The following LYRM4 variants were observed in gnomAD, a reference collection of about 807,000 sequenced individuals.
LYRM4 encodes LYR motif-containing protein 4.
In LYRM4, 9 loss-of-function variants were observed where a neutral mutation model predicts 11.7. That is an observed-to-expected ratio of 0.77 (90% confidence interval 0.46 to 1.34). LYRM4 has a LOEUF of 1.34. Ranked by LOEUF, LYRM4 falls within the 40% of genes most tolerant of loss-of-function variation. The pLI, the probability that LYRM4 is intolerant of heterozygous loss-of-function variation, is 0.00. For synonymous variants in LYRM4, 42 were observed against 40.4 expected (o/e 1.04, Z -0.15); for missense variants, 133 against 112.5 (o/e 1.18, Z -0.82).
At chr6:5,221,177 C>T (rs1209049806) in intron 1 of LYRM4, among the ~76,000 whole-genome samples, 1 of 152,300 alleles carries the variant, frequency 6.6e-6, no homozygotes, top group South Asian at 2.1e-4. Flanking sequence ...TCTGCTGCCC[C>T]TTACATGCTG....
the LYRM4 span, among the ~76,000 whole-genome samples, chr6:5,095,481 GC>G: frequency 6.6e-6 from 1 of 152,178 alleles, no homozygotes. Context: ...ACAGCTTATT[GC>G]CTTATTTAAA....
chr6:5,169,680 T>C (rs1225358514), intron 2 of LYRM4, among the ~76,000 whole-genome samples: 1 of 152,230 alleles, frequency 6.6e-6, no homozygotes, highest in East Asian at 1.9e-4. Flanking sequence ...ACTTTGAAAG[T>C]GATTCTTGTC....
chr6:5,187,340 CAT>C (rs1226432376), intron 2 of LYRM4, among the ~76,000 whole-genome samples: 2 of 152,228 alleles, frequency 1.3e-5, no homozygotes, highest in Non-Finnish European at 2.9e-5. Context: ...CAAAGACACA[CAT>C]ATCAGCTTGT....
chr6:5,178,804 CAAAAAAAAAAAAAAAAAAAA>C (rs56880549), intron 2 of LYRM4, among the ~76,000 whole-genome samples: 7 of 30,026 alleles, frequency 2.3e-4, no homozygotes, highest in African/African-American at 6.9e-4. Flanking sequence ...GACTCTGTCT[CAAAAAAAAAAAAAAAAAAAA>C]AAAAAAAAAG....
At chr6:5,159,623 A>G (rs1758631995) in intron 2 of LYRM4, among the ~76,000 whole-genome samples, 2 of 152,208 alleles carry the variant, frequency 1.3e-5, no homozygotes, top group African/African-American at 2.4e-5. Flanking sequence ...CCTGTCCTCT[A>G]GCCTCCCACT....
chr6:5,076,960 G>C, the LYRM4 span, among the ~76,000 whole-genome samples: 1 of 152,204 alleles, frequency 6.6e-6, no homozygotes, highest in Non-Finnish European at 1.5e-5. Flanking sequence ...GAACAAGAGA[G>C]GCCATATCTT....
intron 2 of LYRM4, among the ~76,000 whole-genome samples, chr6:5,196,918 T>C (rs1761086665): frequency 6.6e-6 from 1 of 152,242 alleles, no homozygotes; most frequent in Admixed American, 6.5e-5. Context: ...AGTTCCACTG[T>C]GACAACTCGG....
At chr6:5,171,763 C>A (rs1759442004) in intron 2 of LYRM4, among the ~76,000 whole-genome samples, 2 of 152,174 alleles carry the variant, frequency 1.3e-5, no homozygotes, top group African/African-American at 2.4e-5. Context: ...GGCTTTTACA[C>A]CACTGTCATT....
the LYRM4 span, among the ~76,000 whole-genome samples, chr6:5,049,814 C>T: frequency 1.3e-5 from 2 of 152,248 alleles, no homozygotes; most frequent in South Asian, 2.1e-4. Context: ...GGATTATAGG[C>T]GTGCACCACC....
At chr6:5,149,307 G>A (rs1581382866) in intron 2 of LYRM4, among the ~76,000 whole-genome samples, 1 of 152,326 alleles carries the variant, frequency 6.6e-6, no homozygotes, top group African/African-American at 2.4e-5. Flanking sequence ...CACAGGAGAG[G>A]CCCTTCAACC....
chr6:5,111,662 G>T (rs909801097), intron 2 of LYRM4, among the ~76,000 whole-genome samples: 2 of 152,182 alleles, frequency 1.3e-5, no homozygotes, highest in Non-Finnish European at 2.9e-5. Context: ...TGACAGCCGC[G>T]TGGTCTCTGA....
At chr6:5,260,495 G>A (rs1397191020) in intron 1 of LYRM4, among the ~76,000 whole-genome samples, 153 bp downstream of exon 1, 1 of 152,266 alleles carries the variant, frequency 6.6e-6, no homozygotes, top group East Asian at 1.9e-4. Flanking sequence ...GTAGGCAGGA[G>A]CACGCTTTTC....
In LYRM4 at chr6:5,241,840, G is replaced by A. The variant is rs572257509; in HGVS notation, c.86+18808C>T. Among the ~76,000 whole-genome samples, 17 of 144,840 alleles carry A rather than the reference G, an allele frequency of 1.2e-4. 1 individual carries two copies. The South Asian group carries it at 3.4e-3, about 29-fold the overall frequency. ...TAGAGACAGGAAAACAGGCCGTGGA[G>A]ATAACTGGAAGTAAAATGGTGATAC... is the stretch of plus-strand genomic sequence containing the variant. On this transcript the variant is annotated intron_variant, in intron 1 of 2. Coordinates refer to ENST00000330636, the MANE Select transcript of LYRM4 (RefSeq NM_020408.6).
intron 2 of LYRM4, among the ~76,000 whole-genome samples, chr6:5,162,498 C>CGAGAGAGAGAGAGAGA (rs368959129): frequency 1.3e-5 from 2 of 148,494 alleles, no homozygotes; most frequent in Non-Finnish European, 1.5e-5. Context: ...AGAGAGCGAG[C>CGAGAGAGAGAGAGAGA]GAGAGAGAGA....
the LYRM4 span, among the ~76,000 whole-genome samples, chr6:5,055,753 A>G: frequency 6.6e-6 from 1 of 152,188 alleles, no homozygotes; most frequent in African/African-American, 2.4e-5. The surrounding 1 kb of genome is among the most constrained non-coding windows in gnomAD (Gnocchi z 4.5). Flanking sequence ...TCTGGTCCCC[A>G]TGCCAGAATC....
At chr6:5,074,289 T>G in the LYRM4 span, among the ~76,000 whole-genome samples, 1 of 152,064 alleles carries the variant, frequency 6.6e-6, no homozygotes, top group Admixed American at 6.5e-5. Flanking sequence ...GTGGAAGCCA[T>G]TATTACTGAC....
intron 2 of LYRM4, among the ~76,000 whole-genome samples, chr6:5,166,915 A>C (rs1025344544): frequency 2.0e-5 from 3 of 152,156 alleles, no homozygotes; most frequent in Non-Finnish European, 4.4e-5. Context: ...CAAAACCAAA[A>C]AGCCATTCAA....
At chr6:5,088,153 T>C in the LYRM4 span, 1 of 152,302 alleles carries the variant, frequency 6.6e-6, no homozygotes. Flanking sequence ...TGGAGTGCAA[T>C]GTGCGATCTT....
At chr6:5,180,354 C>T (rs577447066) in intron 2 of LYRM4, among the ~76,000 whole-genome samples, 12 of 152,080 alleles carry the variant, frequency 7.9e-5, no homozygotes, top group Non-Finnish European at 1.2e-4. Context: ...ATGTCAATAC[C>T]GAGCTCAGTT....
Sources: gnomAD v4.1 joint callset for allele counts (sites outside exome capture counted in the v4.1 genomes callset) on GRCh38, gnomAD v4.1.1 for gene constraint, Gnocchi (gnomAD v3.1) non-coding constraint, MANE v1.5 for transcripts, NCBI Gene and HGNC (gene_info 2026-07-23, HGNC 2026-07-21) for gene names.